NINJ2: variants seen among roughly 807,000 people sequenced by gnomAD.
NINJ2 encodes ninjurin 2, also known as ninjurin-2.
NINJ2 carries 12 observed loss-of-function variants against 11.7 expected under a neutral mutation model. The ratio of observed to expected loss-of-function variants is 1.02; its 90% CI spans 0.66 to 1.66. The LOEUF is 1.66. Ranked by LOEUF, NINJ2 falls within the 40% of genes most tolerant of loss-of-function variation. The pLI is 0.00. For synonymous variants in NINJ2, 93 were observed against 76.8 expected, an observed-to-expected ratio of 1.21 and a Z score of -1.10; for missense variants, 187 against 181.8, an observed-to-expected ratio of 1.03 and a Z score of -0.16.
At chr12:586,800 G>A (rs1200600171) in intron 1 of NINJ2, among the ~76,000 whole-genome samples, 1 of 152,196 alleles carries the variant, frequency 6.6e-6, no homozygotes, top group Non-Finnish European at 1.5e-5. Context: ...CCTCTGACTG[G>A]ATCGTAGGGA....
At chr12:648,520 G>A (rs987043639) in intron 1 of NINJ2, among the ~76,000 whole-genome samples, 7 of 152,204 alleles carry the variant, frequency 4.6e-5, no homozygotes, top group African/African-American at 1.4e-4. Flanking sequence ...CCCGTTCATC[G>A]GGGATGAACT....
chr12:599,812 G>A (rs572560377), intron 1 of NINJ2, among the ~76,000 whole-genome samples: 29 of 152,152 alleles, frequency 1.9e-4, no homozygotes, highest in South Asian at 6.2e-4. Flanking sequence ...CAGCACGCCC[G>A]GGGGGCTCAC....
At chr12:616,803 T>A (rs564179865) in intron 1 of NINJ2, among the ~76,000 whole-genome samples, 1 of 152,310 alleles carries the variant, frequency 6.6e-6, no homozygotes, top group Admixed American at 6.5e-5. Context: ...GTGACCTAAG[T>A]GTGGAGACAA....
rs182331419 is a variant in NINJ2 at position 614,575 on chromosome 12, C to T, written c.34-48397G>A. On this transcript the variant is annotated intron_variant, in intron 1 of 3. Coordinates refer to ENST00000305108, the MANE Select transcript of NINJ2 (RefSeq NM_016533.6). This position sits in a 1 kb window ranked among gnomAD's most constrained non-coding sequence, Gnocchi z 5.1. ...CTCTGTCTTCTTCCCCTTGCATTCC[C>T]TACTTGCCTCTCTACATGTCTTCCT... Among the ~76,000 whole-genome samples the T allele has an allele frequency of 5.1e-3, 777 of 152,312 alleles. 5 individuals are homozygous for T. The highest frequency in any genetic ancestry group is 8.7e-3 in the Non-Finnish European group (590 of 68,034).
At chr12:587,293 C>T (rs1947652657) in intron 1 of NINJ2, among the ~76,000 whole-genome samples, 1 of 152,196 alleles carries the variant, frequency 6.6e-6, no homozygotes, top group Non-Finnish European at 1.5e-5. Flanking sequence ...GGAAGCAGGC[C>T]CAGGAACCCC....
chr12:624,506 C>T (rs760711152), intron 1 of NINJ2, among the ~76,000 whole-genome samples: 53 of 152,106 alleles, frequency 3.5e-4, no homozygotes, highest in Non-Finnish European at 5.9e-4. Flanking sequence ...AGCCACAACA[C>T]ATGGTATAAA....
chr12:605,692 C>T (rs1273207356), intron 1 of NINJ2, among the ~76,000 whole-genome samples: 2 of 152,222 alleles, frequency 1.3e-5, no homozygotes, highest in Non-Finnish European at 2.9e-5. Context: ...CCTACCCATG[C>T]AGATAAAGCT....
At chr12:592,784 C>T (rs1399502462) in intron 1 of NINJ2, among the ~76,000 whole-genome samples, 1 of 152,176 alleles carries the variant, frequency 6.6e-6, no homozygotes, top group East Asian at 1.9e-4. Context: ...CAAGTCCAAG[C>T]TCTGTTCAGG....
At chr12:625,102 CA>C (rs200290771) in intron 1 of NINJ2, among the ~76,000 whole-genome samples, 14,482 of 93,298 alleles carry the variant, frequency 0.16, 606 homozygotes, top group East Asian at 0.2. Flanking sequence ...GACTTCATCT[CA>C]AAAAAAAAAA....
intron 1 of NINJ2, among the ~76,000 whole-genome samples, chr12:587,935 T>C (rs561886574): frequency 6.6e-6 from 1 of 152,294 alleles, no homozygotes; most frequent in South Asian, 2.1e-4. Context: ...GGAGCCGTAG[T>C]ATGAGGCTGG....
intron 1 of NINJ2, among the ~76,000 whole-genome samples, chr12:576,375 G>T (rs1264092567): frequency 6.6e-6 from 1 of 152,264 alleles, no homozygotes. Context: ...GACACGGACG[G>T]GTTTCTCTCC....
chr12:621,873 C>T (rs1051276499), intron 1 of NINJ2, among the ~76,000 whole-genome samples: 38 of 148,340 alleles, frequency 2.6e-4, no homozygotes, highest in Middle Eastern at 3.9e-3. Flanking sequence ...GTGGCTCACA[C>T]CTGTAATCCC....
intron 1 of NINJ2, among the ~76,000 whole-genome samples, chr12:639,537 G>GT (rs1948395175): frequency 6.6e-6 from 1 of 152,072 alleles, no homozygotes; most frequent in Admixed American, 6.5e-5. Context: ...AGAATGCTGT[G>GT]TAAGAATGAA....
intron 1 of NINJ2, among the ~76,000 whole-genome samples, chr12:577,437 A>ATGTATATATATATATACATATATATGTG (rs1172123837): frequency 7.2e-6 from 1 of 138,620 alleles, no homozygotes; most frequent in African/African-American, 2.6e-5. Flanking sequence ...ATACATATAT[A>ATGTATATATATATATACATATATATGTG]TATATAAATA....
chr12:569,664 CA>C (rs893158188), intron 1 of NINJ2, among the ~76,000 whole-genome samples: 2 of 152,164 alleles, frequency 1.3e-5, no homozygotes, highest in African/African-American at 4.8e-5. Flanking sequence ...CAGGGGGTGG[CA>C]GGGGTGAGTA....
chr12:609,787 A>AAT (rs71045084), intron 1 of NINJ2, among the ~76,000 whole-genome samples: 6 of 128,308 alleles, frequency 4.7e-5, no homozygotes, highest in Non-Finnish European at 1.0e-4. Context: ...AAAAAAAAAA[A>AAT]TAGGGAAAAC....
intron 1 of NINJ2, among the ~76,000 whole-genome samples, chr12:601,084 T>C (rs937649003): frequency 3.9e-5 from 6 of 152,202 alleles, no homozygotes; most frequent in Non-Finnish European, 5.9e-5. Flanking sequence ...TGTGATTTGC[T>C]CTCTCCTGCA....
chr12:565,873 C>T (rs1237444273), intron 2 of NINJ2, 77 bp downstream of exon 2: 2 of 1,279,272 alleles, frequency 1.6e-6, no homozygotes, highest in South Asian at 1.2e-5. Context: ...TGCAGGGTGG[C>T]CCAGGGGACA....
chr12:575,261 C>T (rs1416647370), intron 1 of NINJ2, among the ~76,000 whole-genome samples: 40 of 152,220 alleles, frequency 2.6e-4, no homozygotes, highest in Non-Finnish European at 1.9e-4. Context: ...AAGCGTAGTC[C>T]TCTCTCCTGG....
Sources: gnomAD v4.1 joint callset for allele counts (sites outside exome capture counted in the v4.1 genomes callset) on GRCh38, gnomAD v4.1.1 for gene constraint, Gnocchi (gnomAD v3.1) non-coding constraint, MANE v1.5 for transcripts, NCBI Gene and HGNC (gene_info 2026-07-23, HGNC 2026-07-21) for gene names.